RIMS2: variants seen among roughly 807,000 people sequenced by gnomAD.
RIMS2 encodes the protein regulating synaptic membrane exocytosis 2, also known as regulating synaptic membrane exocytosis protein 2.
A neutral mutation model predicts 174.4 loss-of-function variants in RIMS2; 59 were observed. The observed-to-expected ratio is 0.34, with a 90% CI of 0.27 to 0.42. The LOEUF (loss-of-function observed/expected upper bound fraction) is 0.42, where lower values mean the gene tolerates loss of function less well. Ranked by LOEUF, RIMS2 falls within the 10% of genes least tolerant of loss-of-function variation. RIMS2 has a pLI of 1.00. For missense variants in RIMS2, 1,620 were observed against 1,666.3 expected, an observed-to-expected ratio of 0.97 and a Z score of 0.48; for synonymous variants, 606 against 572.5, an observed-to-expected ratio of 1.06 and a Z score of -0.84.
At chr8:104,003,296 A>G (rs1036842833) in intron 17 of RIMS2, among the ~76,000 whole-genome samples, 3 of 152,220 alleles carry the variant, frequency 2.0e-5, no homozygotes, top group African/African-American at 7.2e-5. Flanking sequence ...AAAGAAATGT[A>G]TGAACAGGGT....
At chr8:103,502,312 GTATA>G (rs1820650038) in intron 1 of RIMS2, among the ~76,000 whole-genome samples, 1 of 151,948 alleles carries the variant, frequency 6.6e-6, no homozygotes, top group Non-Finnish European at 1.5e-5. Flanking sequence ...TTGTCAATAG[GTATA>G]TATTTTCATA....
At chr8:104,168,320 TG>T (rs1420016070) in intron 19 of RIMS2, among the ~76,000 whole-genome samples, 5 of 152,188 alleles carry the variant, frequency 3.3e-5, no homozygotes, top group African/African-American at 4.8e-5. Flanking sequence ...TCCATTTGTT[TG>T]TGTCATCTGT....
At chr8:104,169,254 G>C (rs921020261) in intron 19 of RIMS2, among the ~76,000 whole-genome samples, 1 of 148,124 alleles carries the variant, frequency 6.8e-6, no homozygotes, top group Non-Finnish European at 1.5e-5. Context: ...TTGAATGTCT[G>C]ATAGAATTCA....
chr8:103,721,711 C>T (rs928190192), intron 2 of RIMS2, among the ~76,000 whole-genome samples: 1 of 152,174 alleles, frequency 6.6e-6, no homozygotes, highest in Non-Finnish European at 1.5e-5. Context: ...GAATACCATT[C>T]CATCCAATCT....
chr8:103,771,351 A>G (rs1351425104), intron 3 of RIMS2, among the ~76,000 whole-genome samples: 1 of 152,168 alleles, frequency 6.6e-6, no homozygotes, highest in Admixed American at 6.5e-5. Context: ...CTGTTTAAAA[A>G]CATTTAATTG....
intron 19 of RIMS2, among the ~76,000 whole-genome samples, chr8:104,077,150 G>T (rs952809869): frequency 3.3e-5 from 5 of 152,072 alleles, no homozygotes; most frequent in African/African-American, 1.2e-4. Context: ...TACATATAAA[G>T]ATTAAAGTCT....
At chr8:104,200,725 G>A (rs2099050481) in intron 19 of RIMS2, among the ~76,000 whole-genome samples, 1 of 152,122 alleles carries the variant, frequency 6.6e-6, no homozygotes, top group African/African-American at 2.4e-5. Context: ...AGGCAACATG[G>A]TGAAACCCAA....
In RIMS2 at chr8:104,241,748, TTTTGTTTGTTTG is replaced by T. The variant is rs528533367; in HGVS notation, c.3335-3152_3335-3141del. ...AATTGTATTACCTCTTGCTTGGGGT[TTTTGTTTGTTTG>T]TTTGTTTGTTTGTTTTTGAGACACA... On this transcript the variant is annotated intron_variant, in intron 19 of 23. Transcript: ENST00000504942. Among the ~76,000 whole-genome samples, 51 of 151,818 alleles carry T rather than the reference TTTTGTTTGTTTG, an allele frequency of 3.4e-4. No homozygotes were observed. In the East Asian group the frequency reaches 5.4e-3, roughly 16 times the overall value.
intron 4 of RIMS2, among the ~76,000 whole-genome samples, chr8:103,908,073 C>T (rs759181750): frequency 1.3e-4 from 19 of 149,000 alleles, no homozygotes; most frequent in Non-Finnish European, 2.5e-4. Flanking sequence ...GAGACAGTCT[C>T]GCTCTGTCTC....
intron 1 of RIMS2, among the ~76,000 whole-genome samples, chr8:103,590,572 C>A (rs1470823751): frequency 6.6e-6 from 1 of 151,018 alleles, no homozygotes; most frequent in Non-Finnish European, 1.5e-5. Flanking sequence ...ATAGTGAACA[C>A]CCATATACCC....
In RIMS2 at chr8:104,137,993, C is replaced by T. The variant is rs62508094; in HGVS notation, c.3335-106923C>T. 2.2e-4 allele frequency among the ~76,000 whole-genome samples: 33 copies of T among 152,156 alleles called. No individual in the cohort carries two copies. In the South Asian group the frequency reaches 3.7e-3, roughly 17 times the overall value. On this transcript the variant is annotated intron_variant, in intron 19 of 23. Coordinates refer to ENST00000504942, the Ensembl canonical transcript of RIMS2. Reference sequence around the variant, plus strand: ...CATCGTTCTGTAATCTAGGTCCATGCGTGTAGTTGTTTTAATTTTTAGCTC... The same window carrying T: ...CATCGTTCTGTAATCTAGGTCCATGTGTGTAGTTGTTTTAATTTTTAGCTC...
intron 19 of RIMS2, among the ~76,000 whole-genome samples, chr8:104,105,815 G>A (rs2131378081): frequency 6.6e-6 from 1 of 151,940 alleles, no homozygotes; most frequent in East Asian, 1.9e-4. Context: ...GAGGTGGGCA[G>A]ATCATGAGCT....
At chr8:103,537,389 G>A (rs1191566334) in intron 1 of RIMS2, among the ~76,000 whole-genome samples, 1 of 152,180 alleles carries the variant, frequency 6.6e-6, no homozygotes, top group African/African-American at 2.4e-5. Context: ...AGTTCAAAAT[G>A]TATCTCACTA....
At chr8:103,954,224 G>A (rs1014987728) in intron 14 of RIMS2, among the ~76,000 whole-genome samples, 1 of 152,002 alleles carries the variant, frequency 6.6e-6, no homozygotes, top group African/African-American at 2.4e-5. Flanking sequence ...GGATATTCAG[G>A]ACTTGAACCC....
At chr8:103,893,554 G>A (rs2099259626) in intron 4 of RIMS2, among the ~76,000 whole-genome samples, 1 of 151,920 alleles carries the variant, frequency 6.6e-6, no homozygotes, top group Non-Finnish European at 1.5e-5. Flanking sequence ...TATGGTTTGT[G>A]GGCACAATTC....
Position 103,890,439 on chromosome 8 carries a change from A to G in RIMS2, c.1624+4216A>G, listed in dbSNP as rs79564454. ...TAGAAATGATTTACACATTTTTTCT[A>G]TTCTGGAAATTGAAAATCTAAAATA... On this transcript the variant is annotated intron_variant, in intron 4 of 23. Coordinates refer to ENST00000504942, the Ensembl canonical transcript of RIMS2. Among the ~76,000 whole-genome samples the G allele has an allele frequency of 9.8e-3, 1,498 of 152,084 alleles. 19 individuals are homozygous for G. The highest frequency in any genetic ancestry group is 0.047 in the East Asian group (243 of 5,142).
chr8:103,859,399 A>C (rs898126632), intron 3 of RIMS2, among the ~76,000 whole-genome samples: 1 of 152,052 alleles, frequency 6.6e-6, no homozygotes, highest in Non-Finnish European at 1.5e-5. Context: ...CCCACCCCCC[A>C]CTGAAGGCCA....
At chr8:103,952,209 C>T (rs753447453) in intron 14 of RIMS2, among the ~76,000 whole-genome samples, 4 of 152,212 alleles carry the variant, frequency 2.6e-5, no homozygotes, top group Non-Finnish European at 4.4e-5. Flanking sequence ...TGCCTGGCAG[C>T]TCAGCTCTGA....
At chr8:103,512,333 T>C (rs1341639350) in intron 1 of RIMS2, among the ~76,000 whole-genome samples, 1 of 152,210 alleles carries the variant, frequency 6.6e-6, no homozygotes, top group Non-Finnish European at 1.5e-5. Context: ...GATTTGGAGC[T>C]GAGAGGCAGT....
Sources: allele counts gnomAD v4.1 joint callset (sites outside exome capture counted in the v4.1 genomes callset), GRCh38; gene constraint gnomAD v4.1.1; transcripts MANE v1.5; gene names NCBI Gene and HGNC (gene_info 2026-07-23, HGNC 2026-07-21).